A1CF: variants seen among roughly 807,000 people sequenced by gnomAD.
A1CF encodes the protein APOBEC1 complementation factor, also known as APOBEC-1 stimulating protein.
In A1CF, 48 loss-of-function variants were observed where a neutral mutation model predicts 68.9. The observed-to-expected ratio is 0.70, with a 90% confidence interval of 0.55 to 0.89. The LOEUF is 0.89. Among genes scored for constraint, A1CF ranks in the 40% least tolerant of loss-of-function variants. The pLI, the probability that A1CF is intolerant of heterozygous loss-of-function variation, is 0.00. For missense variants in A1CF, 653 were observed against 718.9 expected, an observed-to-expected ratio of 0.91 and a Z score of 1.05; for synonymous variants, 272 against 260.4, an observed-to-expected ratio of 1.04 and a Z score of -0.43.
At chr10:50,868,457 G>A (rs1841097013) in intron 1 of A1CF, among the ~76,000 whole-genome samples, 1 of 152,058 alleles carries the variant, frequency 6.6e-6, no homozygotes, top group Admixed American at 6.5e-5. Flanking sequence ...AAAATTAATA[G>A]AGAATATGTA....
At chr10:50,833,201 T>C (rs770261975) in intron 6 of A1CF, among the ~76,000 whole-genome samples, 2 of 152,188 alleles carry the variant, frequency 1.3e-5, no homozygotes, top group Non-Finnish European at 2.9e-5. Context: ...AAATCATTGA[T>C]TCAAATCATG....
At chr10:50,884,245 T>C (rs1841908027) in intron 1 of A1CF, among the ~76,000 whole-genome samples, 1 of 152,230 alleles carries the variant, frequency 6.6e-6, no homozygotes, top group Non-Finnish European at 1.5e-5. Context: ...TATAGTGTTT[T>C]AATATCCATT....
intron 8 of A1CF, among the ~76,000 whole-genome samples, chr10:50,818,232 C>T (rs1430724143): frequency 6.6e-6 from 1 of 152,100 alleles, no homozygotes; most frequent in Non-Finnish European, 1.5e-5. Flanking sequence ...ATTAAAAAGT[C>T]AGTTCTTACT....
At position 50,801,792 on chromosome 10, in the gene A1CF, G is replaced by A. The variant is rs752312079; in HGVS notation, c.*4937C>T. The A allele has an allele frequency of 1.3e-5, 2 of 152,202 alleles. No homozygotes were observed. The highest frequency in any genetic ancestry group is 2.4e-5 in the African/African-American group (1 of 41,438). 9.4% of individuals were successfully genotyped at this position (152,202 alleles called of 1,614,324 possible). On this transcript the variant is annotated 3_prime_UTR_variant, in exon 13 of 13. Coordinates refer to ENST00000373997, the MANE Select transcript of A1CF (RefSeq NM_014576.4). Reference sequence around the variant, plus strand: ...TATTTTATTCCAGGCATCTTCAGATGAATGAGGTATTTTGGTTTTCAGGTT... The same window carrying A: ...TATTTTATTCCAGGCATCTTCAGATAAATGAGGTATTTTGGTTTTCAGGTT...
intron 1 of A1CF, among the ~76,000 whole-genome samples, chr10:50,884,266 A>G (rs1841908708): frequency 6.6e-6 from 1 of 152,232 alleles, no homozygotes; most frequent in Admixed American, 6.5e-5. Context: ...ATGTCATTTT[A>G]TAATGTTTGC....
chr10:50,829,464 T>A (rs1409289308), intron 6 of A1CF, among the ~76,000 whole-genome samples: 2 of 152,174 alleles, frequency 1.3e-5, no homozygotes, highest in Non-Finnish European at 2.9e-5. Flanking sequence ...TTACTACACA[T>A]AGGAAGCAAT....
chr10:50,811,922 T>G (rs376220118), intron 10 of A1CF, among the ~76,000 whole-genome samples: 1 of 152,352 alleles, frequency 6.6e-6, no homozygotes, highest in African/African-American at 2.4e-5. Flanking sequence ...GTCAGCAGAT[T>G]CAGTAGACTG....
chr10:50,835,350 G>A (rs1343682314), intron 6 of A1CF, among the ~76,000 whole-genome samples: 1 of 152,034 alleles, frequency 6.6e-6, no homozygotes, highest in Non-Finnish European at 1.5e-5. Flanking sequence ...ATTTTCATGA[G>A]AAAAGTTCAT....
chr10:50,828,387 C>A, intron 6 of A1CF, 92 bp from the exon 7 acceptor site: 2 of 1,052,944 alleles, frequency 1.9e-6, no homozygotes, highest in Non-Finnish European at 2.6e-6. Context: ...ATTGACCTGA[C>A]CCTTGAGGTC....
chr10:50,865,606 A>G (rs1055895676), intron 1 of A1CF, among the ~76,000 whole-genome samples: 4 of 152,210 alleles, frequency 2.6e-5, no homozygotes, highest in Non-Finnish European at 5.9e-5. Flanking sequence ...CTCCCCTTCC[A>G]GTGTCATTCA....
At chr10:50,862,212 A>G (rs575609222) in intron 2 of A1CF, among the ~76,000 whole-genome samples, 9 of 151,970 alleles carry the variant, frequency 5.9e-5, no homozygotes, top group Admixed American at 4.6e-4. Context: ...TTAAAAATGC[A>G]AAAATTAGCC....
chr10:50,823,515 T>C (rs1838774867), intron 7 of A1CF: 1 of 152,190 alleles, frequency 6.6e-6, no homozygotes, highest in South Asian at 2.1e-4. Context: ...GGGAAGGTTA[T>C]CAGAGGGTCA....
At chr10:50,830,610 T>A (rs983215475) in intron 6 of A1CF, among the ~76,000 whole-genome samples, 4 of 151,978 alleles carry the variant, frequency 2.6e-5, no homozygotes, top group Non-Finnish European at 5.9e-5. Context: ...TGATAAAAAA[T>A]TAAAGAAGAA....
At chr10:50,860,222 A>G (rs1656346515) in intron 2 of A1CF, among the ~76,000 whole-genome samples, 3 of 152,226 alleles carry the variant, frequency 2.0e-5, no homozygotes, top group Non-Finnish European at 4.4e-5. Flanking sequence ...CCATTCTCCA[A>G]TTATAATGCA....
At chr10:50,828,076 G>T (rs1403934700) in intron 7 of A1CF, 55 bp downstream of exon 7, 3 of 1,382,952 alleles carry the variant, frequency 2.2e-6, no homozygotes, top group Non-Finnish European at 2.9e-6. Context: ...ACCCTCCCAA[G>T]ACTAAACCAG....
chr10:50,868,033 T>C (rs957150667), intron 1 of A1CF, among the ~76,000 whole-genome samples: 3 of 152,300 alleles, frequency 2.0e-5, no homozygotes, highest in African/African-American at 7.2e-5. Flanking sequence ...AGTGAGGTGC[T>C]CCACGTGCAT....
chr10:50,818,014 T>C (rs893488212), intron 8 of A1CF, among the ~76,000 whole-genome samples: 2 of 152,152 alleles, frequency 1.3e-5, no homozygotes, highest in Non-Finnish European at 2.9e-5. Context: ...CATAACAACC[T>C]ACCATATTGG....
In A1CF at chr10:50,880,244, G is replaced by A. The variant is rs761153601; in HGVS notation, c.-94+5337C>T. ...CAGGGTGGCCTGTGCCAGACTGCCCGGACTCACTCCTGCACCACTTATTAG... is the reference window on the plus strand; with the variant it reads ...CAGGGTGGCCTGTGCCAGACTGCCCAGACTCACTCCTGCACCACTTATTAG... On this transcript the variant is annotated intron_variant, in intron 1 of 12. Coordinates refer to ENST00000373997, the MANE Select transcript of A1CF (RefSeq NM_014576.4). Among the ~76,000 whole-genome samples the A allele has an allele frequency of 4.6e-5, 7 of 152,082 alleles. No homozygotes were observed. In the East Asian group the frequency reaches 5.8e-4, roughly 13 times the overall value.
At chr10:50,834,377 G>T (rs1564510401) in intron 6 of A1CF, among the ~76,000 whole-genome samples, 1 of 152,188 alleles carries the variant, frequency 6.6e-6, no homozygotes, top group Non-Finnish European at 1.5e-5. Context: ...CTGGGCTGGG[G>T]TGAATGTCAC....
Sources: allele counts gnomAD v4.1 joint callset (sites outside exome capture counted in the v4.1 genomes callset), GRCh38; gene constraint gnomAD v4.1.1; transcripts MANE v1.5; gene names NCBI Gene and HGNC (gene_info 2026-07-23, HGNC 2026-07-21).